Variants in PKNOX1 observed in about 807,000 individuals in gnomAD.
PKNOX1 encodes the protein homeobox protein PKNOX1.
In PKNOX1, 15 loss-of-function variants were observed where a neutral mutation model predicts 51.9. That is an observed-to-expected ratio of 0.29 (90% CI 0.19 to 0.45). The LOEUF (loss-of-function observed/expected upper bound fraction) is 0.45, where lower values mean the gene tolerates loss of function less well. PKNOX1 is among the 20% of genes least tolerant of loss of function. The pLI is 1.00. For synonymous variants in PKNOX1, 219 were observed against 211.1 expected, an observed-to-expected ratio of 1.04 and a Z score of -0.32; for missense variants, 462 against 547.5, an observed-to-expected ratio of 0.84 and a Z score of 1.56.
At chr21:42,994,417 TCCAC>T (rs1260406491) in intron 1 of PKNOX1, among the ~76,000 whole-genome samples, 1 of 146,866 alleles carries the variant, frequency 6.8e-6, no homozygotes. Context: ...CCTCAAGTGA[TCCAC>T]CCACATTGGC....
At chr21:42,983,871 T>A (rs1196736561) in intron 1 of PKNOX1, among the ~76,000 whole-genome samples, 1 of 152,180 alleles carries the variant, frequency 6.6e-6, no homozygotes, top group Non-Finnish European at 1.5e-5. Context: ...TTTTCTTATG[T>A]GTTGTTGCTT....
At position 43,021,562 on chromosome 21, in the gene PKNOX1, A is replaced by G. The variant is rs1979754863; in HGVS notation, c.849+131A>G. The G allele has an allele frequency of 1.8e-6, 2 of 1,091,980 alleles. No homozygotes were observed. Among genetic ancestry groups the G allele is most frequent in the Non-Finnish European group, 2.6e-6 (2 of 777,872 alleles). The allele number at this position is 1,091,980 out of a possible 1,614,324, so 67.6% of individuals were successfully genotyped here. ...GGCCTGACTTTCAGGACTTTGTGGCATGTCCATAATGTGGGGAGCGTGGGG... is the reference window on the plus strand; with the variant it reads ...GGCCTGACTTTCAGGACTTTGTGGCGTGTCCATAATGTGGGGAGCGTGGGG... On this transcript the variant is annotated intron_variant, in intron 8 of 10. Coordinates refer to ENST00000291547, the MANE Select transcript of PKNOX1 (RefSeq NM_004571.5). The surrounding 1 kb of genome is among the most constrained non-coding windows in gnomAD (Gnocchi z 4.6).
intron 1 of PKNOX1, among the ~76,000 whole-genome samples, chr21:42,991,719 G>A (rs2059088269): frequency 7.2e-6 from 1 of 138,698 alleles, no homozygotes; most frequent in East Asian, 2.0e-4. Flanking sequence ...GGGCGACAGA[G>A]CGAGACTCCG....
chr21:43,029,673 C>T (rs1238014732), intron 10 of PKNOX1, among the ~76,000 whole-genome samples: 4 of 151,976 alleles, frequency 2.6e-5, no homozygotes, highest in African/African-American at 7.3e-5. Context: ...CCTCGTTATC[C>T]GCCTGCCTCA....
chr21:42,981,740 C>T (rs994306597), intron 1 of PKNOX1, among the ~76,000 whole-genome samples: 1 of 152,096 alleles, frequency 6.6e-6, no homozygotes, highest in Non-Finnish European at 1.5e-5. Context: ...TACTGTTTGC[C>T]GTCTGCGATT....
intron 1 of PKNOX1, among the ~76,000 whole-genome samples, chr21:42,986,972 AG>A (rs1380191229): frequency 6.6e-6 from 1 of 152,036 alleles, no homozygotes; most frequent in Non-Finnish European, 1.5e-5. Flanking sequence ...GCACCTGGTG[AG>A]GGGGATGGGG....
At chr21:43,002,807 C>T (rs1380922502) in intron 1 of PKNOX1, among the ~76,000 whole-genome samples, 3 of 152,204 alleles carry the variant, frequency 2.0e-5, no homozygotes, top group Non-Finnish European at 2.9e-5. Flanking sequence ...ACCTCTGCCT[C>T]CTGGGTTCAA....
chr21:42,984,600 C>T (rs2059042371), intron 1 of PKNOX1, among the ~76,000 whole-genome samples: 1 of 152,172 alleles, frequency 6.6e-6, no homozygotes, highest in Admixed American at 6.5e-5. Context: ...GTTGTTCAGG[C>T]TGGTCTCGAA....
rs902673734 is a variant in PKNOX1, at chr21:43,014,256, C to T, written c.522+1018C>T. Among the ~76,000 whole-genome samples, 12 of 152,132 alleles carry T rather than the reference C, an allele frequency of 7.9e-5. No individual in the cohort carries two copies. The East Asian group carries it at 1.2e-3, about 15-fold the overall frequency. On this transcript the variant is annotated intron_variant, in intron 5 of 10. Coordinates refer to ENST00000291547, the MANE Select transcript of PKNOX1 (RefSeq NM_004571.5). ...CAGGATGGTCTCGATCTCCTGACCT[C>T]GTGATCCGCCCGCCTTGGCCTCCCA...
chr21:42,993,458 C>T (rs1008448928), intron 1 of PKNOX1, among the ~76,000 whole-genome samples: 2 of 152,054 alleles, frequency 1.3e-5, no homozygotes, highest in Admixed American at 6.6e-5. Flanking sequence ...TCCACCAGCA[C>T]CTTCAGTTTG....
At chr21:42,981,066 G>A (rs141305990) in intron 1 of PKNOX1, among the ~76,000 whole-genome samples, 1 of 152,358 alleles carries the variant, frequency 6.6e-6, no homozygotes, top group East Asian at 1.9e-4. Flanking sequence ...TGGAGGTGAG[G>A]GTGAAGGAAG....
intron 1 of PKNOX1, among the ~76,000 whole-genome samples, chr21:42,986,988 G>C (rs1311050135): frequency 6.6e-6 from 1 of 152,130 alleles, no homozygotes; most frequent in East Asian, 1.9e-4. Context: ...ATGGGGCTGT[G>C]TGGACTCCTC....
chr21:43,014,471 A>G (rs1409329684), intron 5 of PKNOX1, among the ~76,000 whole-genome samples: 1 of 151,716 alleles, frequency 6.6e-6, no homozygotes, highest in Non-Finnish European at 1.5e-5. Context: ...TCATCCTCTT[A>G]ACAGGTCTTT....
chr21:42,988,737 G>T (rs971155943), intron 1 of PKNOX1, among the ~76,000 whole-genome samples: 12 of 152,140 alleles, frequency 7.9e-5, no homozygotes, highest in African/African-American at 2.7e-4. Flanking sequence ...CACTGGGACA[G>T]CAGGGCAGGC....
chr21:42,981,903 T>A lies in PKNOX1; in HGVS notation c.-57+7239T>A, dbSNP rs1791080606. Reference sequence around the variant, plus strand: ...GGGATTCTTGGGACCACTGTATTGTTGCTGGGCCTCTGGGCAGATGGAACC... The same window carrying A: ...GGGATTCTTGGGACCACTGTATTGTAGCTGGGCCTCTGGGCAGATGGAACC... On this transcript the variant is annotated intron_variant, in intron 1 of 10. Coordinates refer to ENST00000291547, the MANE Select transcript of PKNOX1 (RefSeq NM_004571.5). 1.3e-5 allele frequency among the ~76,000 whole-genome samples: 2 copies of A among 152,208 alleles called. 1 individual carries two copies. Among genetic ancestry groups the A allele is most frequent in the Admixed American group, 1.3e-4 (2 of 15,282 alleles).
chr21:42,979,963 C>T (rs965297165), intron 1 of PKNOX1, among the ~76,000 whole-genome samples: 1 of 152,188 alleles, frequency 6.6e-6, no homozygotes, highest in African/African-American at 2.4e-5. Flanking sequence ...ACCTTCTGCG[C>T]TTATGATCTA....
At chr21:43,008,061 T>TCACACACACACACACACACACA (rs56932866) in intron 3 of PKNOX1, among the ~76,000 whole-genome samples, 4 of 146,776 alleles carry the variant, frequency 2.7e-5, no homozygotes, top group African/African-American at 1.0e-4. Flanking sequence ...CAAAACTCTG[T>TCACACACACACACACACACACA]CACACACACA....
chr21:42,980,560 G>A (rs571331022), intron 1 of PKNOX1, among the ~76,000 whole-genome samples: 4 of 152,258 alleles, frequency 2.6e-5, no homozygotes, highest in East Asian at 1.9e-4. Flanking sequence ...GAGAGGGGGC[G>A]TCTTAAATTT....
intron 1 of PKNOX1, among the ~76,000 whole-genome samples, chr21:42,998,327 A>G (rs1978600164): frequency 6.6e-6 from 1 of 152,136 alleles, no homozygotes; most frequent in Admixed American, 6.5e-5. Flanking sequence ...ACCTCCCACC[A>G]GCTCCCTCCC....
Sources: gnomAD v4.1 joint callset for allele counts (sites outside exome capture counted in the v4.1 genomes callset) on GRCh38, gnomAD v4.1.1 for gene constraint, Gnocchi (gnomAD v3.1) non-coding constraint, MANE v1.5 for transcripts, NCBI Gene and HGNC (gene_info 2026-07-23, HGNC 2026-07-21) for gene names.